The following SCAND3 variants were observed in gnomAD, a reference collection of about 807,000 sequenced individuals.
SCAND3 encodes SCAN domain containing 3, also known as SCAN domain-containing protein 3.
the SCAND3 span, among the ~76,000 whole-genome samples, chr6:28,614,747 G>A: frequency 6.6e-6 from 1 of 152,174 alleles, no homozygotes; most frequent in Admixed American, 6.5e-5. Flanking sequence ...TTACAGGTGT[G>A]AGCCATCGTG....
the SCAND3 span, chr6:28,573,016 C>T: frequency 1.2e-6 from 2 of 1,613,094 alleles, no homozygotes; most frequent in Non-Finnish European, 1.7e-6. Context: ...TTCCAAACCA[C>T]ATTTGTTAAC....
the SCAND3 span, chr6:28,575,534 T>C: frequency 3.7e-6 from 6 of 1,613,796 alleles, no homozygotes. This position sits in a 1 kb window ranked among gnomAD's most constrained non-coding sequence, Gnocchi z 4.2. Context: ...AAAATAAATC[T>C]GTACTCCCCA....
At chr6:28,605,678 CAAAAAAAA>C in the SCAND3 span, among the ~76,000 whole-genome samples, 11 of 119,660 alleles carry the variant, frequency 9.2e-5, no homozygotes, top group African/African-American at 3.7e-4. Flanking sequence ...CTAAAAAATA[CAAAAAAAA>C]AAAAAAAAAA....
the SCAND3 span, among the ~76,000 whole-genome samples, chr6:28,584,772 T>C: frequency 6.6e-6 from 1 of 152,206 alleles, no homozygotes; most frequent in Non-Finnish European, 1.5e-5. Flanking sequence ...GGGGAAAATG[T>C]CTTTGCAGCT....
the SCAND3 span, among the ~76,000 whole-genome samples, chr6:28,581,050 AAAG>A: frequency 6.6e-6 from 1 of 151,988 alleles, no homozygotes; most frequent in Non-Finnish European, 1.5e-5. Flanking sequence ...TTAACGCTGG[AAAG>A]AAGCTGAGTG....
At chr6:28,589,467 T>TA in the SCAND3 span, 1 of 152,176 alleles carries the variant, frequency 6.6e-6, no homozygotes, top group Non-Finnish European at 1.5e-5. Context: ...GGTGAACGTT[T>TA]TACAGTTCCT....
the SCAND3 span, among the ~76,000 whole-genome samples, chr6:28,613,853 G>C: frequency 6.6e-6 from 1 of 152,050 alleles, no homozygotes; most frequent in Non-Finnish European, 1.5e-5. Context: ...AAGCACACTA[G>C]CATATTACCT....
At chr6:28,572,103 C>G in the SCAND3 span, 1 of 1,613,966 alleles carries the variant, frequency 6.2e-7, no homozygotes, top group Non-Finnish European at 8.5e-7. The surrounding 1 kb of genome is among the most constrained non-coding windows in gnomAD (Gnocchi z 4.1). Flanking sequence ...TTAAAGCAAT[C>G]TCAGCAAGCT....
the SCAND3 span, chr6:28,572,220 T>C: frequency 5.0e-6 from 8 of 1,613,854 alleles, no homozygotes; most frequent in African/African-American, 2.7e-5. This position sits in a 1 kb window ranked among gnomAD's most constrained non-coding sequence, Gnocchi z 4.1. Context: ...ACTTATCCTG[T>C]AGAGTTACAG....
At chr6:28,595,195 C>CAAAAAAAAAAAAA in the SCAND3 span, among the ~76,000 whole-genome samples, 1 of 16,118 alleles carries the variant, frequency 6.2e-5, no homozygotes, top group African/African-American at 1.9e-4. Context: ...CCGTCACTAC[C>CAAAAAAAAAAAAA]AAAAAAAAAA....
the SCAND3 span, chr6:28,579,179 A>G: frequency 8.7e-7 from 1 of 1,150,690 alleles, no homozygotes; most frequent in East Asian, 2.4e-5. This position sits in a 1 kb window ranked among gnomAD's most constrained non-coding sequence, Gnocchi z 4.5. Flanking sequence ...CATTCAGTAG[A>G]AGCTGAAATG....
At chr6:28,608,135 C>T in the SCAND3 span, among the ~76,000 whole-genome samples, 1 of 152,208 alleles carries the variant, frequency 6.6e-6, no homozygotes. Context: ...AAGCCCGCTC[C>T]CACTAGCTAC....
the SCAND3 span, among the ~76,000 whole-genome samples, chr6:28,592,634 A>C: frequency 6.6e-6 from 1 of 152,222 alleles, no homozygotes; most frequent in Non-Finnish European, 1.5e-5. The surrounding 1 kb of genome is among the most constrained non-coding windows in gnomAD (Gnocchi z 4.1). Context: ...TCTTGAGCAA[A>C]ATGAACAAAG....
the SCAND3 span, chr6:28,573,065 T>C: frequency 2.4e-5 from 39 of 1,610,668 alleles, no homozygotes; most frequent in Middle Eastern, 5.0e-4. Context: ...TCTGAGCTAG[T>C]TGTGTTTGTA....
chr6:28,578,680 A>G, the SCAND3 span, among the ~76,000 whole-genome samples: 1 of 152,218 alleles, frequency 6.6e-6, no homozygotes, highest in Non-Finnish European at 1.5e-5. Flanking sequence ...TATGAGCCCC[A>G]GAAGTTTGTA....
the SCAND3 span, among the ~76,000 whole-genome samples, chr6:28,612,043 G>GT: frequency 9.7e-3 from 1,399 of 144,818 alleles, 8 homozygotes; most frequent in Non-Finnish European, 0.013. Context: ...TTTTTTTGTT[G>GT]TTTTTTTTTT....
the SCAND3 span, chr6:28,572,746 G>C: frequency 6.2e-7 from 1 of 1,613,962 alleles, no homozygotes; most frequent in Non-Finnish European, 8.5e-7. This position sits in a 1 kb window ranked among gnomAD's most constrained non-coding sequence, Gnocchi z 4.1. Context: ...CTTATGATCA[G>C]CTTCCATATT....
the SCAND3 span, chr6:28,573,555 T>C: frequency 6.2e-7 from 1 of 1,613,248 alleles, no homozygotes; most frequent in Non-Finnish European, 8.5e-7. Context: ...AATATAAATG[T>C]CGCTTAAGTT....
chr6:28,578,689 T>C, the SCAND3 span, among the ~76,000 whole-genome samples: 3 of 152,180 alleles, frequency 2.0e-5, no homozygotes, highest in African/African-American at 7.2e-5. Context: ...CAGAAGTTTG[T>C]AGAATCAATA....
Sources: allele counts gnomAD v4.1 joint callset (sites outside exome capture counted in the v4.1 genomes callset), GRCh38; gene constraint gnomAD v4.1.1; non-coding constraint Gnocchi (gnomAD v3.1); transcripts MANE v1.5; gene names NCBI Gene and HGNC (gene_info 2026-07-23, HGNC 2026-07-21).